Variants in TANC1 observed in about 807,000 individuals in gnomAD.
TANC1 encodes tetratricopeptide repeat, ankyrin repeat and coiled-coil containing 1.
In TANC1, 77 loss-of-function variants were observed where a neutral mutation model predicts 149.7. That is an observed-to-expected ratio of 0.51 (90% CI 0.43 to 0.62). The LOEUF is 0.62. TANC1 is among the 20% of genes least tolerant of loss of function. TANC1 has a pLI of 0.00. For synonymous variants in TANC1, 854 were observed against 925.0 expected (o/e 0.92, Z 1.39); for missense variants, 1,985 against 2,321.8 (o/e 0.85, Z 2.98).
chr2:159,180,374 A>T (rs1281067173), intron 14 of TANC1, among the ~76,000 whole-genome samples: 1 of 152,242 alleles, frequency 6.6e-6, no homozygotes, highest in African/African-American at 2.4e-5. Flanking sequence ...TAGAGACATA[A>T]AAACAAATTG....
intron 14 of TANC1, among the ~76,000 whole-genome samples, chr2:159,182,776 T>G (rs562392570): frequency 8.5e-5 from 13 of 152,354 alleles, no homozygotes; most frequent in African/African-American, 3.1e-4. Context: ...GACATTGTCA[T>G]GTCTCTGTAG....
intron 14 of TANC1, 87 bp from the exon 15 acceptor site, chr2:159,185,704 T>A (rs2056908370): frequency 1.2e-6 from 1 of 849,042 alleles, no homozygotes; most frequent in Non-Finnish European, 1.9e-6. Flanking sequence ...AATCAGTGAC[T>A]AAGGCAATGG....
At chr2:159,149,039 C>A in intron 5 of TANC1, 103 bp from the exon 6 acceptor site, 1 of 1,355,052 alleles carries the variant, frequency 7.4e-7, no homozygotes, top group Non-Finnish European at 1.0e-6. Context: ...TTTATAGAAA[C>A]ACACAAAATC....
intron 4 of TANC1, 145 bp from the exon 5 acceptor site, chr2:159,136,049 T>TGTGTGTGAGA: frequency 3.3e-5 from 3 of 90,880 alleles, no homozygotes; most frequent in Non-Finnish European, 6.3e-5. Context: ...TGTGTGTGTG[T>TGTGTGTGAGA]GCGCGCGCGC....
chr2:159,134,075 C>G (rs1214274022), intron 4 of TANC1, among the ~76,000 whole-genome samples: 2 of 152,130 alleles, frequency 1.3e-5, no homozygotes, highest in Non-Finnish European at 2.9e-5. Flanking sequence ...TCTGCATCAC[C>G]CCATCATGAC....
chr2:159,158,413 G>A (rs918978936), intron 7 of TANC1, among the ~76,000 whole-genome samples: 1 of 152,132 alleles, frequency 6.6e-6, no homozygotes, highest in Non-Finnish European at 1.5e-5. Flanking sequence ...GGGACTTAGG[G>A]CATTCTGGGG....
chr2:159,125,010 T>TG (rs1312644877), intron 4 of TANC1, among the ~76,000 whole-genome samples: 2 of 152,098 alleles, frequency 1.3e-5, no homozygotes, highest in Non-Finnish European at 2.9e-5. Flanking sequence ...CACAAAGTGC[T>TG]GGGATTTCAG....
chr2:158,984,419 C>G (rs2034778281), intron 1 of TANC1, among the ~76,000 whole-genome samples: 1 of 152,174 alleles, frequency 6.6e-6, no homozygotes, highest in Non-Finnish European at 1.5e-5. Flanking sequence ...TGTTAGCCAA[C>G]TCAACAAATA....
At chr2:159,054,462 G>A (rs746505050) in intron 2 of TANC1, among the ~76,000 whole-genome samples, 3 of 152,116 alleles carry the variant, frequency 2.0e-5, no homozygotes, top group Non-Finnish European at 4.4e-5. Flanking sequence ...TGAAATTAGG[G>A]CCTGGGGAGG....
intron 17 of TANC1, 87 bp from the exon 18 acceptor site, chr2:159,196,521 G>A (rs755400683): frequency 6.1e-6 from 7 of 1,139,594 alleles, no homozygotes; most frequent in African/African-American, 1.6e-5. Context: ...TACAGGGAGT[G>A]GGGTTTGCAC....
intron 2 of TANC1, among the ~76,000 whole-genome samples, chr2:159,037,914 A>G (rs1005826154): frequency 2.0e-5 from 3 of 152,132 alleles, no homozygotes; most frequent in Admixed American, 6.5e-5. Context: ...AGCTTGATGG[A>G]GATGGCATTG....
At chr2:159,216,764 C>G (rs986392794) in intron 19 of TANC1, among the ~76,000 whole-genome samples, 1 of 152,162 alleles carries the variant, frequency 6.6e-6, no homozygotes, top group African/African-American at 2.4e-5. Flanking sequence ...GGGCCCTCTA[C>G]AGTTGGATCT....
intron 24 of TANC1, chr2:159,226,908 G>T (rs2060054055): frequency 6.6e-6 from 1 of 152,154 alleles, no homozygotes; most frequent in Non-Finnish European, 1.5e-5. Flanking sequence ...GCTATAGTTT[G>T]CCAACCCCTG....
At chr2:158,976,572 A>G (rs2033693603) in intron 1 of TANC1, among the ~76,000 whole-genome samples, 1 of 152,190 alleles carries the variant, frequency 6.6e-6, no homozygotes, top group Non-Finnish European at 1.5e-5. Flanking sequence ...CAAATTTGAC[A>G]AGAAGGTGGC....
At position 159,224,252 on chromosome 2, in the gene TANC1, G is replaced by C; in HGVS notation, c.3699G>C (p.Lys1233Asn). Residue 1233 changes from lysine (K) to asparagine (N), a missense_variant, in exon 23 of 27, where the codon AAG (lysine) becomes AAC (asparagine). By Grantham distance (94) the Lys-to-Asn change is moderately conservative (BLOSUM62 0). This residue lies in a region of TANC1 where 920 missense variants were observed against 994.7 expected (regional missense o/e 0.92). Coordinates refer to ENST00000263635, the MANE Select transcript of TANC1 (RefSeq NM_033394.3). ...DAETVLYLVE[K>N]GAVIEHVDHS... ...TGCAGGTGCTGTACCTGGTGGAGAAGGGAGCCGTGATCGAGCATGTGGACC... is the reference window on the plus strand; with the variant it reads ...TGCAGGTGCTGTACCTGGTGGAGAACGGAGCCGTGATCGAGCATGTGGACC... 6.2e-7 allele frequency: 1 copy of C among 1,614,202 alleles called. No individual in the cohort carries two copies. The highest frequency in any genetic ancestry group is 8.5e-7 in the Non-Finnish European group (1 of 1,180,042).
chr2:159,230,589 G>A lies in TANC1; in HGVS notation c.5163G>A (p.Thr1721=), dbSNP rs375230409. 66 of 1,614,162 alleles carry A rather than the reference G, an allele frequency of 4.1e-5. No individual in the cohort carries two copies. The African/African-American group carries it at 4.5e-4, about 11-fold the overall frequency. Residue 1721 remains threonine, a synonymous_variant, in exon 27 of 27, where the codon ACG becomes ACA. Coordinates refer to ENST00000263635, the MANE Select transcript of TANC1 (RefSeq NM_033394.3). This position sits in a 1 kb window ranked among gnomAD's most constrained non-coding sequence, Gnocchi z 4.4. Reference sequence around the variant, plus strand: ...CAGCTGAGCACAGACCCCGCAACACGCCGTTCATGGGCATCATGGATAAGA... The same window carrying A: ...CAGCTGAGCACAGACCCCGCAACACACCGTTCATGGGCATCATGGATAAGA... ...SGTAEHRPRN[T]PFMGIMDKTA...
At chr2:159,153,985 G>C (rs1010838418) in intron 7 of TANC1, among the ~76,000 whole-genome samples, 1 of 152,224 alleles carries the variant, frequency 6.6e-6, no homozygotes, top group Non-Finnish European at 1.5e-5. Flanking sequence ...AAACAGGCTG[G>C]TGAGGACCCA....
chr2:159,030,573 G>A (rs960438879), intron 2 of TANC1, among the ~76,000 whole-genome samples: 1 of 152,174 alleles, frequency 6.6e-6, no homozygotes, highest in Non-Finnish European at 1.5e-5. Flanking sequence ...AGAAGACACA[G>A]TTGTAGCCAT....
intron 2 of TANC1, among the ~76,000 whole-genome samples, chr2:159,024,912 A>G (rs2149445525): frequency 6.6e-6 from 1 of 152,354 alleles, no homozygotes; most frequent in African/African-American, 2.4e-5. Flanking sequence ...GCCTAGGAGC[A>G]ATAGGCTCTA....
Sources: allele counts gnomAD v4.1 joint callset (sites outside exome capture counted in the v4.1 genomes callset), GRCh38; gene constraint gnomAD v4.1.1; regional missense constraint gnomAD v4.1.1; non-coding constraint Gnocchi (gnomAD v3.1); transcripts MANE v1.5; gene names NCBI Gene and HGNC (gene_info 2026-07-23, HGNC 2026-07-21).